SF3B3: variants seen among roughly 807,000 people sequenced by gnomAD.
The protein encoded by SF3B3 is SAP 130.
SF3B3 carries 33 observed loss-of-function variants against 139.2 expected under a neutral mutation model. The ratio of observed to expected loss-of-function variants is 0.24; its 90% CI spans 0.18 to 0.32. The LOEUF (loss-of-function observed/expected upper bound fraction) is 0.32, where lower values mean the gene tolerates loss of function less well. SF3B3 is among the 10% of genes least tolerant of loss of function. The pLI, the probability that SF3B3 is intolerant of heterozygous loss-of-function variation, is 1.00. For synonymous variants in SF3B3, 596 were observed against 563.6 expected (o/e 1.06, Z -0.81); for missense variants, 818 against 1,509.4 (o/e 0.54, Z 7.59).
rs898399432 is a variant in SF3B3, at chr16:70,546,292, G to A, written c.1329+1759G>A. 5.3e-5 allele frequency among the ~76,000 whole-genome samples: 8 copies of A among 152,158 alleles called. 1 individual carries two copies. The highest frequency in any genetic ancestry group is 1.9e-4 in the African/African-American group (8 of 41,448). ...GGCCAAGAGCCATTGCTCTTGATTC[G>A]TTAGTTACTTATTTCTCATTGGATC... On this transcript the variant is annotated intron_variant, in intron 10 of 25. Coordinates refer to ENST00000302516, the MANE Select transcript of SF3B3 (RefSeq NM_012426.5).
intron 11 of SF3B3, among the ~76,000 whole-genome samples, chr16:70,551,023 A>G (rs1372978743): frequency 6.6e-6 from 1 of 152,200 alleles, no homozygotes; most frequent in Non-Finnish European, 1.5e-5. Flanking sequence ...AAAGCTTTTG[A>G]GTATATTCAG....
At chr16:70,525,469 A>G (rs2050052152) in intron 1 of SF3B3, among the ~76,000 whole-genome samples, 1 of 152,156 alleles carries the variant, frequency 6.6e-6, no homozygotes, top group South Asian at 2.1e-4. Context: ...AATGGATTGT[A>G]TCAGTTATAA....
intron 10 of SF3B3, 41 bp from the exon 11 acceptor site, chr16:70,548,329 G>C (rs759502724): frequency 2.6e-6 from 4 of 1,529,608 alleles, no homozygotes; most frequent in East Asian, 2.2e-5. Context: ...TAGCTGAGTT[G>C]CATGCTCACT....
intron 25 of SF3B3, 131 bp from the exon 26 acceptor site, chr16:70,571,542 A>T: frequency 2.1e-6 from 2 of 968,102 alleles, no homozygotes; most frequent in Non-Finnish European, 1.5e-6. Flanking sequence ...TGCAACCCGG[A>T]TGATAGGGTG....
chr16:70,548,356 T>G lies in SF3B3; in HGVS notation c.1330-14T>G. The G allele has an allele frequency of 1.2e-6, 2 of 1,613,048 alleles. No homozygotes were observed. Among genetic ancestry groups the G allele is most frequent in the Non-Finnish European group, 1.7e-6 (2 of 1,179,000 alleles). ...ATGCTCACTGGATCTGTGGCTTCCC[T>G]CTTCTCCTGTCAGGTGTCAGAAATG... On this transcript the variant is annotated splice_polypyrimidine_tract_variant and intron_variant, in intron 10 of 25. Coordinates refer to ENST00000302516, the MANE Select transcript of SF3B3 (RefSeq NM_012426.5).
chr16:70,539,338 A>G, intron 8 of SF3B3, 131 bp downstream of exon 8: 2 of 676,906 alleles, frequency 3.0e-6, no homozygotes, highest in South Asian at 1.6e-5. Flanking sequence ...ACCTGAGGTA[A>G]GGAGTTGGAG....
At chr16:70,533,540 G>GTTAA (rs2050140543) in intron 5 of SF3B3, among the ~76,000 whole-genome samples, 16 of 152,170 alleles carry the variant, frequency 1.1e-4, no homozygotes, top group Admixed American at 1.0e-3. Context: ...AATGCACATA[G>GTTAA]CTAAGTAACG....
Position 70,568,296 on chromosome 16 carries a change from A to T in SF3B3, c.2966A>T (p.Tyr989Phe). 1.2e-6 allele frequency: 2 copies of T among 1,611,732 alleles called. No individual in the cohort carries two copies. The highest frequency in any genetic ancestry group is 1.7e-6 in the Non-Finnish European group (2 of 1,177,860). The change falls in exon 22 of 26, where the codon TAT becomes TTT. Residue 989 changes from tyrosine (Y) to phenylalanine (F), a missense_variant. Physicochemically the swap from Tyr to Phe is conservative, Grantham distance 22 (BLOSUM62 3). Around this residue, in one of 14 missense-constraint regions of SF3B3, gnomAD observed 145 missense variants for 153.6 expected, o/e 0.94. Coordinates refer to ENST00000302516, the MANE Select transcript of SF3B3 (RefSeq NM_012426.5). Reference protein sequence around the residue: ...RKCENKHIANYISGIQTIGHR... With the variant: ...RKCENKHIANFISGIQTIGHR... ...TGTTTTTCCCAGCATATTGCCAATT[A>T]TATCTCTGGGATCCAGACTATCGGA...
At chr16:70,558,328 C>G (rs2050397577) in intron 15 of SF3B3, among the ~76,000 whole-genome samples, 1 of 150,876 alleles carries the variant, frequency 6.6e-6, no homozygotes, top group Non-Finnish European at 1.5e-5. Context: ...GTTGCTCAGA[C>G]TGGTCTTGAA....
intron 16 of SF3B3, among the ~76,000 whole-genome samples, chr16:70,561,166 GC>G (rs2050424919): frequency 6.6e-6 from 1 of 152,036 alleles, no homozygotes. Context: ...GATTACAGGC[GC>G]ATGCCACCAC....
chr16:70,524,145 T>G, intron 1 of SF3B3: 8 of 322,860 alleles, frequency 2.5e-5, no homozygotes, highest in Admixed American at 4.9e-5. Context: ...TATCTCAAAA[T>G]AGGGCTCGTG....
At chr16:70,537,207 G>A (rs1000144400) in intron 6 of SF3B3, among the ~76,000 whole-genome samples, 3 of 152,184 alleles carry the variant, frequency 2.0e-5, no homozygotes, top group African/African-American at 7.2e-5. Flanking sequence ...TGATGTATAA[G>A]TGATACATAT....
In SF3B3 at chr16:70,563,660, A is replaced by G. The variant is rs2050449870; in HGVS notation, c.2289-216A>G. The G allele has an allele frequency of 5.8e-6, 3 of 513,560 alleles. No individual in the cohort carries two copies. The Admixed American group carries it at 1.1e-4, about 18-fold the overall frequency. 31.8% of individuals were successfully genotyped at this position (513,560 alleles called of 1,614,324 possible). On this transcript the variant is annotated intron_variant, in intron 17 of 25. Coordinates refer to ENST00000302516, the MANE Select transcript of SF3B3 (RefSeq NM_012426.5). ...TTGGTAGGAACTAGAACTGCTGTGAATTGTGGTAGGGTGTTGCCAAATGGG... is the reference window on the plus strand; with the variant it reads ...TTGGTAGGAACTAGAACTGCTGTGAGTTGTGGTAGGGTGTTGCCAAATGGG...
At position 70,554,304 on chromosome 16, in the gene SF3B3, C is replaced by T. The variant is rs953171813; in HGVS notation, c.1403-142C>T. 3 of 700,970 alleles carry T rather than the reference C, an allele frequency of 4.3e-6. No homozygotes were observed. In the African/African-American group the frequency reaches 5.3e-5, roughly 12 times the overall value. The allele number at this position is 700,970 out of a possible 1,614,324, so 43.4% of individuals were successfully genotyped here. A position where few individuals can be genotyped will look rare whatever the true frequency, so the allele number is the denominator to read the frequency against. On this transcript the variant is annotated intron_variant, in intron 11 of 25. Coordinates refer to ENST00000302516, the MANE Select transcript of SF3B3 (RefSeq NM_012426.5). The stretch of plus-strand genomic sequence containing the variant: ...CTTCTGGATCATTTTGCTCTGTGTG[C>T]ATGTGTATGTGTGTATGTGTGTAAT...
intron 4 of SF3B3, among the ~76,000 whole-genome samples, chr16:70,531,599 G>C (rs2050121992): frequency 6.6e-6 from 1 of 152,146 alleles, no homozygotes; most frequent in Non-Finnish European, 1.5e-5. Context: ...TCTTAATTCT[G>C]TCCTGCTAGC....
intron 1 of SF3B3, chr16:70,525,112 C>G (rs1023070624): frequency 6.6e-6 from 1 of 152,148 alleles, no homozygotes; most frequent in African/African-American, 2.4e-5. Flanking sequence ...TTACTGCAGC[C>G]TCCTCCTCCT....
At chr16:70,564,080 T>G (rs760373987) in intron 18 of SF3B3, 30 bp downstream of exon 18, 4 of 1,600,762 alleles carry the variant, frequency 2.5e-6, no homozygotes, top group Non-Finnish European at 3.4e-6. Context: ...GGGGTTCTAT[T>G]AAAAGATGTG....
Position 70,575,943 on chromosome 16 carries a change from CGG to C in SF3B3, c.*4131_*4132del, listed in dbSNP as rs2050575655. On this transcript the variant is annotated 3_prime_UTR_variant, in exon 26 of 26. Coordinates refer to ENST00000302516, the MANE Select transcript of SF3B3 (RefSeq NM_012426.5). ...TGGGGTCTGCTCCCAATTATTCACA[CGG>C]TGGTTCATGCCTGGTAATCCCAGCA... 2 of 152,206 alleles carry C rather than the reference CGG, an allele frequency of 1.3e-5. No individual in the cohort carries two copies. The highest frequency in any genetic ancestry group is 4.8e-5 in the African/African-American group (2 of 41,450). The allele number at this position is 152,206 out of a possible 1,614,324, so 9.4% of individuals were successfully genotyped here. A position where few individuals can be genotyped will look rare whatever the true frequency, so the allele number is the denominator to read the frequency against.
intron 5 of SF3B3, among the ~76,000 whole-genome samples, chr16:70,534,103 G>A (rs2050145534): frequency 6.6e-6 from 1 of 152,168 alleles, no homozygotes; most frequent in South Asian, 2.1e-4. Flanking sequence ...TCCCTAAACA[G>A]GGAAAGGAAA....
Sources: allele counts gnomAD v4.1 joint callset (sites outside exome capture counted in the v4.1 genomes callset), GRCh38; gene constraint gnomAD v4.1.1; regional missense constraint gnomAD v4.1.1; transcripts MANE v1.5; gene names NCBI Gene and HGNC (gene_info 2026-07-23, HGNC 2026-07-21).